The following MRS2 variants were observed in gnomAD, a reference collection of about 807,000 sequenced individuals.
MRS2 encodes the protein magnesium transporter MRS2.
MRS2 carries 40 observed loss-of-function variants against 52.6 expected under a neutral mutation model. The observed-to-expected ratio is 0.76, with a 90% confidence interval of 0.59 to 0.99. The LOEUF is 0.99. MRS2 is among the 50% of genes least tolerant of loss of function. MRS2 has a pLI of 0.00. For synonymous variants in MRS2, 193 were observed against 195.9 expected (o/e 0.98, Z 0.13); for missense variants, 472 against 532.7 (o/e 0.89, Z 1.12).
In MRS2 at chr6:24,416,393, A is replaced by G. The variant is rs772442019; in HGVS notation, c.720-4A>G. 3 of 1,153,144 alleles carry G rather than the reference A, an allele frequency of 2.6e-6. No individual in the cohort carries two copies. The highest frequency in any genetic ancestry group is 3.9e-6 in the Non-Finnish European group (3 of 769,614). 71.4% of individuals were successfully genotyped at this position (1,153,144 alleles called of 1,614,324 possible). The stretch of plus-strand genomic sequence containing the variant: ...GATCATTTTTGTGTATCTATTTCTT[A>G]TAGTCTATCAGAGTTAGAAACAGAT... On this transcript the variant is annotated splice_polypyrimidine_tract_variant and splice_region_variant and intron_variant, in intron 6 of 10. Transcript: ENST00000378386.
intron 5 of MRS2, among the ~76,000 whole-genome samples, chr6:24,414,755 G>C (rs573996042): frequency 2.6e-5 from 4 of 152,288 alleles, no homozygotes; most frequent in Middle Eastern, 3.4e-3. Flanking sequence ...CCTCCCGGAC[G>C]GGGCGGCTGG....
chr6:24,416,721 T>C (rs1236039008), intron 7 of MRS2, among the ~76,000 whole-genome samples: 1 of 152,156 alleles, frequency 6.6e-6, no homozygotes, highest in African/African-American at 2.4e-5. Flanking sequence ...TACCCAACAC[T>C]GCTGACATGT....
chr6:24,422,488 C>T (rs954463478), intron 9 of MRS2, among the ~76,000 whole-genome samples: 5 of 152,078 alleles, frequency 3.3e-5, no homozygotes, highest in African/African-American at 1.2e-4. Flanking sequence ...TATCGGAAGA[C>T]AAAAAATTTA....
At position 24,410,606 on chromosome 6, in the gene MRS2, A is replaced by G; in HGVS notation, c.414+1033A>G. 6 of 658,666 alleles carry G rather than the reference A, an allele frequency of 9.1e-6. No individual in the cohort carries two copies. The South Asian group carries it at 1.6e-4, about 17-fold the overall frequency. 40.8% of individuals were successfully genotyped at this position (658,666 alleles called of 1,614,324 possible). Reference sequence around the variant, plus strand: ...GAGGCTGAAGTGGGAGGGTCACCAGAGACCAGGAGTTTGTGACCAGCCTAA... The same window carrying G: ...GAGGCTGAAGTGGGAGGGTCACCAGGGACCAGGAGTTTGTGACCAGCCTAA... On this transcript the variant is annotated intron_variant, in intron 4 of 10. Transcript: ENST00000378386.
At position 24,425,806 on chromosome 6, in the gene MRS2, ACAGACTGTTAAG is replaced by A. The variant is rs1479743216; in HGVS notation, c.*2116_*2127del. On this transcript the variant is annotated 3_prime_UTR_variant, in exon 11 of 11. Transcript: ENST00000378386. ...TATTAACACCTTATTCTTCATGAAC[ACAGACTGTTAAG>A]CAGCACTAACCAATTTTATATTAAA... The A allele has an allele frequency of 2.0e-5, 3 of 152,266 alleles. No homozygotes were observed. Among genetic ancestry groups the A allele is most frequent in the Admixed American group, 2.0e-4 (3 of 15,290 alleles). The allele number at this position is 152,266 out of a possible 1,614,324, so 9.4% of individuals were successfully genotyped here.
intron 1 of MRS2, among the ~76,000 whole-genome samples, chr6:24,404,255 C>T (rs568477299): frequency 7.6e-4 from 116 of 152,280 alleles, no homozygotes; most frequent in African/African-American, 2.7e-3. Flanking sequence ...ACTTTTAGGA[C>T]AAGCATTGAC....
rs921770071 is a variant in MRS2, at chr6:24,418,581, G to A, written c.1107+3G>A. On this transcript the variant is annotated splice_donor_region_variant and intron_variant, in intron 9 of 10. Transcript: ENST00000378386. Reference sequence around the variant, plus strand: ...ATTTGGAATCTTCCCTTGAAGAGGTGAGAATGTATTATTATTTCTAAAACT... The same window carrying A: ...ATTTGGAATCTTCCCTTGAAGAGGTAAGAATGTATTATTATTTCTAAAACT... The A allele has an allele frequency of 6.9e-6, 11 of 1,599,352 alleles. No homozygotes were observed. In the African/African-American group the frequency reaches 1.3e-4, roughly 19 times the overall value.
At chr6:24,415,492 G>A (rs1291474582) in intron 6 of MRS2, among the ~76,000 whole-genome samples, 1 of 152,126 alleles carries the variant, frequency 6.6e-6, no homozygotes, top group African/African-American at 2.4e-5. Context: ...CAAAGTCCAT[G>A]TTGTTCTTTT....
At chr6:24,420,211 C>T (rs553564193) in intron 9 of MRS2, among the ~76,000 whole-genome samples, 2 of 152,278 alleles carry the variant, frequency 1.3e-5, no homozygotes, top group Admixed American at 1.3e-4. Flanking sequence ...CCTCAGATCC[C>T]CGTTTTGCTT....
chr6:24,421,954 G>T (rs998518984), intron 9 of MRS2, among the ~76,000 whole-genome samples: 1 of 152,144 alleles, frequency 6.6e-6, no homozygotes, highest in Non-Finnish European at 1.5e-5. Context: ...TTCGAGACCA[G>T]CCTGACCAAC....
chr6:24,424,927 T>C lies in MRS2; in HGVS notation c.*1233T>C, dbSNP rs1762178175. On this transcript the variant is annotated 3_prime_UTR_variant, in exon 11 of 11. Transcript: ENST00000378386. ...CTGATTTGGAAGAAAACCGATGAAG[T>C]ACAAGTAAGGTTTCCCCACTCCTGT... The C allele has an allele frequency of 6.6e-6, 1 of 151,092 alleles. No homozygotes were observed. Among genetic ancestry groups the C allele is most frequent in the Admixed American group, 6.6e-5 (1 of 15,168 alleles). 9.4% of individuals were successfully genotyped at this position (151,092 alleles called of 1,614,324 possible).
chr6:24,408,381 A>G, intron 2 of MRS2, 27 bp from the exon 3 acceptor site: 1 of 1,451,996 alleles, frequency 6.9e-7, no homozygotes, highest in Non-Finnish European at 9.6e-7. Context: ...AAAGAAAATC[A>G]TAATTTGTTT....
intron 9 of MRS2, among the ~76,000 whole-genome samples, chr6:24,421,381 T>C (rs1264419906): frequency 1.4e-5 from 2 of 139,764 alleles, no homozygotes; most frequent in African/African-American, 4.9e-5. Context: ...AATTACAAAT[T>C]ACACATCTTT....
At chr6:24,411,190 CAA>C (rs201560318) in intron 4 of MRS2, among the ~76,000 whole-genome samples, 2 of 104,312 alleles carry the variant, frequency 1.9e-5, no homozygotes. Flanking sequence ...ACTTCCATCT[CAA>C]AAAAAAAAAA....
Position 24,408,338 on chromosome 6 carries a change from A to G in MRS2, c.265-70A>G. On this transcript the variant is annotated intron_variant, in intron 2 of 10. Transcript: ENST00000378386. Reference sequence around the variant, plus strand: ...TTACAATACCATAAATTCTTAACTAAATTAGCAATACCATAAGTAGCATTC... The same window carrying G: ...TTACAATACCATAAATTCTTAACTAGATTAGCAATACCATAAGTAGCATTC... The G allele has an allele frequency of 2.0e-6, 2 of 992,810 alleles. 1 individual carries two copies. Among genetic ancestry groups the G allele is most frequent in the South Asian group, 2.7e-5 (2 of 73,098 alleles). 61.5% of individuals were successfully genotyped at this position (992,810 alleles called of 1,614,324 possible).
At chr6:24,417,527 G>T (rs1161099629) in intron 7 of MRS2, among the ~76,000 whole-genome samples, 2 of 152,190 alleles carry the variant, frequency 1.3e-5, no homozygotes, top group African/African-American at 4.8e-5. Flanking sequence ...CTCTTGGATT[G>T]GGGCCATGTA....
rs1761583167 is a variant in MRS2, at chr6:24,409,513, G to A, written c.354G>A (p.Leu118=). 6.2e-7 allele frequency: 1 copy of A among 1,611,976 alleles called. No homozygotes were observed. The change falls in exon 4 of 11, where the codon TTG becomes TTA. Residue 118 remains leucine (L), a synonymous_variant. Transcript: ENST00000378386. ...YQELGLQARD[L]RFQHVMSITV... The stretch of plus-strand genomic sequence containing the variant: ...AGTTAGGTCTTCAAGCCAGAGATTT[G>A]AGATTTCAGCATGTAATGAGTATCA...
intron 8 of MRS2, 33 bp downstream of exon 8, chr6:24,418,269 TAATAA>T: frequency 6.7e-7 from 1 of 1,502,350 alleles, no homozygotes; most frequent in Non-Finnish European, 8.9e-7. Flanking sequence ...TAAGTTTTTT[TAATAA>T]AATAATTATA....
chr6:24,404,133 A>T (rs1252446898), intron 1 of MRS2, among the ~76,000 whole-genome samples: 1 of 152,220 alleles, frequency 6.6e-6, no homozygotes, highest in African/African-American at 2.4e-5. Flanking sequence ...CTCCCAAAGT[A>T]ACTCCTCGTC....
Sources: allele counts gnomAD v4.1 joint callset (sites outside exome capture counted in the v4.1 genomes callset), GRCh38; gene constraint gnomAD v4.1.1; transcripts MANE v1.5; gene names NCBI Gene and HGNC (gene_info 2026-07-23, HGNC 2026-07-21).